CDC25C: variants seen among roughly 807,000 people sequenced by gnomAD.
CDC25C encodes the protein cell division cycle 25C.
Under a neutral mutation model 52.5 loss-of-function variants are expected in CDC25C, and 48 were observed. The ratio of observed to expected loss-of-function variants is 0.91; its 90% confidence interval spans 0.72 to 1.16. The LOEUF (loss-of-function observed/expected upper bound fraction) is 1.16, where lower values mean the gene tolerates loss of function less well. Ranked by LOEUF, CDC25C falls within the 50% of genes most tolerant of loss-of-function variation. CDC25C has a pLI of 0.00. For missense variants in CDC25C, 510 were observed against 566.1 expected (o/e 0.90, Z 1.01); for synonymous variants, 187 against 206.5 (o/e 0.91, Z 0.81).
intron 7 of CDC25C, among the ~76,000 whole-genome samples, chr5:138,313,291 A>G (rs941972646): frequency 2.0e-5 from 3 of 151,594 alleles, no homozygotes; most frequent in African/African-American, 4.8e-5. Context: ...AGGCAGGAGA[A>G]TCACTTGAAC....
chr5:138,319,353 T>C lies in CDC25C; in HGVS notation c.481A>G (p.Ser161Gly). The change falls in exon 7 of 14, where the codon AGT (serine) becomes GGT (glycine). Residue 161 changes from serine to glycine, a missense_variant. By Grantham distance (56) the Ser-to-Gly change is moderately conservative. Transcript: ENST00000323760. ...KENDNGNLVD[S>G]EMKYLGSPIT... ...GGACTGCCCAAATATTTCATTTCAC[T>C]GTCCACCAAGTTTCCATTGTCCTGT... 1.2e-6 allele frequency: 2 copies of C among 1,613,208 alleles called. No individual in the cohort carries two copies. Among genetic ancestry groups the C allele is most frequent in the African/African-American group, 1.3e-5 (1 of 75,038 alleles).
intron 7 of CDC25C, among the ~76,000 whole-genome samples, chr5:138,305,096 A>AT (rs1757909269): frequency 6.6e-6 from 1 of 152,032 alleles, no homozygotes; most frequent in African/African-American, 2.4e-5. Context: ...TACCTGCAAC[A>AT]TTCCTTCTTC....
chr5:138,300,999 C>T (rs892077646), intron 7 of CDC25C, among the ~76,000 whole-genome samples: 2 of 152,104 alleles, frequency 1.3e-5, no homozygotes, highest in African/African-American at 4.8e-5. Flanking sequence ...TTGTGAGATG[C>T]AGCTAAAGTA....
chr5:138,320,652 T>C (rs190635018), intron 6 of CDC25C, among the ~76,000 whole-genome samples: 13 of 151,864 alleles, frequency 8.6e-5, no homozygotes, highest in Non-Finnish European at 1.9e-4. Context: ...AAACCCTGAT[T>C]CTACAAAATA....
chr5:138,298,649 C>T (rs888619085), intron 7 of CDC25C, among the ~76,000 whole-genome samples: 15 of 151,822 alleles, frequency 9.9e-5, no homozygotes, highest in Non-Finnish European at 1.9e-4. Context: ...ATTCAGGAGG[C>T]TGAGGCAGGA....
chr5:138,310,294 A>G (rs1210279009), intron 7 of CDC25C, among the ~76,000 whole-genome samples: 1 of 152,202 alleles, frequency 6.6e-6, no homozygotes, highest in Non-Finnish European at 1.5e-5. Flanking sequence ...AACAAGTGCC[A>G]TGCATGTCTA....
chr5:138,286,180 A>G, intron 12 of CDC25C, 47 bp from the exon 13 acceptor site: 2 of 1,432,170 alleles, frequency 1.4e-6, no homozygotes, highest in Non-Finnish European at 2.0e-6. Flanking sequence ...AAACAAGGTC[A>G]GGATCCCAGG....
At chr5:138,300,492 G>A (rs1004777500) in intron 7 of CDC25C, among the ~76,000 whole-genome samples, 1 of 152,086 alleles carries the variant, frequency 6.6e-6, no homozygotes, top group African/African-American at 2.4e-5. Flanking sequence ...GTGTTCAGGA[G>A]GTTGAGGCTG....
upstream of CDC25C, among the ~76,000 whole-genome samples, chr5:138,335,690 C>A (rs181088898): frequency 3.5e-4 from 53 of 151,868 alleles, 1 homozygote; most frequent in East Asian, 9.5e-3. Flanking sequence ...TGTTGGGCTG[C>A]ACTGGGAGGC....
At chr5:138,312,595 C>T (rs1172848671) in intron 7 of CDC25C, among the ~76,000 whole-genome samples, 1 of 151,912 alleles carries the variant, frequency 6.6e-6, no homozygotes, top group Non-Finnish European at 1.5e-5. Flanking sequence ...AAGCCAGTTA[C>T]AAAACAAAAA....
intron 6 of CDC25C, among the ~76,000 whole-genome samples, chr5:138,323,594 G>A (rs1759609182): frequency 6.6e-6 from 1 of 152,118 alleles, no homozygotes; most frequent in Non-Finnish European, 1.5e-5. Flanking sequence ...TTACAGGGAT[G>A]AGCCACAACA....
intron 1 of CDC25C, 48 bp downstream of exon 1, chr5:138,331,547 G>T (rs1760388104): frequency 3.0e-5 from 32 of 1,073,378 alleles, no homozygotes; most frequent in Non-Finnish European, 3.1e-5. Context: ...CCCTAAGGGG[G>T]ACAATGGGGT....
chr5:138,305,134 CAT>C (rs895578798), intron 7 of CDC25C, among the ~76,000 whole-genome samples: 14 of 152,202 alleles, frequency 9.2e-5, no homozygotes, highest in African/African-American at 3.4e-4. Flanking sequence ...CTACTCTTGT[CAT>C]ATATGATTCC....
chr5:138,294,193 A>AT lies in CDC25C; in HGVS notation c.616-2078dup, dbSNP rs1270076043. 4.1e-3 allele frequency among the ~76,000 whole-genome samples: 478 copies of AT among 116,896 alleles called. 1 individual carries two copies. Among genetic ancestry groups the AT allele is most frequent in the Middle Eastern group, 9.4e-3 (2 of 212 alleles). The allele number at this position is 116,896 out of a possible 152,430, so 76.7% of individuals were successfully genotyped here. A position where few individuals can be genotyped will look rare whatever the true frequency, so the allele number is the denominator to read the frequency against. Reference sequence around the variant, plus strand: ...AGGTGCTGACTACCATGCTTGGCTAATTTTTTTTTTTTTTTTGAGATGGAG... The same window carrying AT: ...AGGTGCTGACTACCATGCTTGGCTAATTTTTTTTTTTTTTTTTGAGATGGAG... On this transcript the variant is annotated intron_variant, in intron 7 of 13. Coordinates refer to ENST00000323760, the MANE Select transcript of CDC25C (RefSeq NM_001790.5).
At chr5:138,330,240 G>A (rs1165724880) in intron 2 of CDC25C, among the ~76,000 whole-genome samples, 1 of 151,896 alleles carries the variant, frequency 6.6e-6, no homozygotes, top group African/African-American at 2.4e-5. Flanking sequence ...GGCCGAGGGG[G>A]ATCTTGACTC....
intron 10 of CDC25C, among the ~76,000 whole-genome samples, chr5:138,289,182 G>T (rs535996951): frequency 1.1e-4 from 17 of 152,132 alleles, no homozygotes; most frequent in African/African-American, 3.9e-4. Flanking sequence ...GGCCAGGGTG[G>T]TCTCGAATTC....
intron 7 of CDC25C, among the ~76,000 whole-genome samples, chr5:138,306,203 GT>G (rs758527713): frequency 9.5e-4 from 144 of 152,006 alleles, no homozygotes; most frequent in Non-Finnish European, 1.1e-3. Context: ...ACTAGAATCA[GT>G]TTCTATTATT....
chr5:138,335,768 GTTTT>G (rs11409882), upstream of CDC25C, among the ~76,000 whole-genome samples: 3 of 145,486 alleles, frequency 2.1e-5, no homozygotes, highest in East Asian at 4.0e-4. Context: ...GACTTGCAGG[GTTTT>G]TTTTTTTGTT....
At chr5:138,318,157 C>T (rs1345783333) in intron 7 of CDC25C, among the ~76,000 whole-genome samples, 2 of 151,834 alleles carry the variant, frequency 1.3e-5, no homozygotes, top group African/African-American at 2.4e-5. Context: ...GGCAAAACCC[C>T]GTCTCTACTA....
Sources: allele counts gnomAD v4.1 joint callset (sites outside exome capture counted in the v4.1 genomes callset), GRCh38; gene constraint gnomAD v4.1.1; transcripts MANE v1.5; gene names NCBI Gene and HGNC (gene_info 2026-07-23, HGNC 2026-07-21).